Variants in RBM4B observed in about 807,000 individuals in gnomAD.
RBM4B encodes the protein RNA-binding protein 4B.
In RBM4B, 13 loss-of-function variants were observed where a neutral mutation model predicts 28.5. The observed-to-expected ratio is 0.46, with a 90% CI of 0.30 to 0.72. The LOEUF is 0.72. RBM4B is among the 30% of genes least tolerant of loss of function. RBM4B has a pLI of 0.09. For synonymous variants in RBM4B, 167 were observed against 179.1 expected, an observed-to-expected ratio of 0.93 and a Z score of 0.54; for missense variants, 387 against 477.6, an observed-to-expected ratio of 0.81 and a Z score of 1.77.
intron 2 of RBM4B, among the ~76,000 whole-genome samples, chr11:66,670,388 T>TGGG (rs1328733701): frequency 6.6e-6 from 1 of 152,044 alleles, no homozygotes; most frequent in East Asian, 1.9e-4. Context: ...TTACAATTTT[T>TGGG]ATAGGGATTA....
chr11:66,675,727 G>C, intron 2 of RBM4B: 1 of 152,196 alleles, frequency 6.6e-6, no homozygotes, highest in South Asian at 2.1e-4. Context: ...CTATCCAAAA[G>C]AATGTTCTAT....
Position 66,669,000 on chromosome 11 carries a change from G to A in RBM4B, c.704C>T (p.Ala235Val), listed in dbSNP as rs746480100. The change falls in exon 3 of 4, where the codon GCG (alanine) becomes GTG (valine). Residue 235 changes from alanine (A) to valine (V), a missense_variant. Around this residue, in one of 2 missense-constraint regions of RBM4B, gnomAD observed 226 missense variants for 220.6 expected, o/e 1.02. Transcript: ENST00000310046. ...GTAGTTGTATGCAGAAGCCGCTGCCGCCGCTGCTACTGCCTCATAAGAGCG... is the reference window on the plus strand; with the variant it reads ...GTAGTTGTATGCAGAAGCCGCTGCCACCGCTGCTACTGCCTCATAAGAGCG... ...RVRSYEAVAA[A>V]AAASAYNYAE... 8.1e-6 allele frequency: 13 copies of A among 1,614,070 alleles called. No homozygotes were observed. The highest frequency in any genetic ancestry group is 4.0e-5 in the African/African-American group (3 of 74,924).
intron 1 of RBM4B, chr11:66,677,446 G>A (rs1939676121): frequency 6.6e-6 from 2 of 303,872 alleles, no homozygotes; most frequent in Admixed American, 4.8e-5. Context: ...AGGTTTTGGA[G>A]GGAAATCTGT....
chr11:66,671,474 G>A (rs978367159), intron 2 of RBM4B, among the ~76,000 whole-genome samples: 2 of 152,158 alleles, frequency 1.3e-5, no homozygotes. Context: ...TGAAGTCAGA[G>A]TGACCATGAC....
intron 1 of RBM4B, chr11:66,677,332 G>C (rs1356279174): frequency 1.8e-6 from 1 of 559,526 alleles, no homozygotes; most frequent in Admixed American, 3.2e-5. Flanking sequence ...CCGTGAAGTG[G>C]AGCGCAATGA....
Position 66,669,339 on chromosome 11 carries a change from C to A in RBM4B, c.413-48G>T, listed in dbSNP as rs116912258. The A allele has an allele frequency of 1.9e-3, 2,943 of 1,548,998 alleles. 63 individuals carry two copies. In the East Asian group the frequency reaches 0.042, roughly 22 times the overall value. ...GATTTATTTTAACTCACTTGACATT[C>A]TTTTTCCTCTCCTCCCCAAATGAAA... On this transcript the variant is annotated intron_variant, in intron 2 of 3. Coordinates refer to ENST00000310046, the MANE Select transcript of RBM4B (RefSeq NM_031492.4).
Position 66,669,094 on chromosome 11 carries a change from C to T in RBM4B, c.610G>A (p.Gly204Ser), listed in dbSNP as rs142178494. ...YGAVRTPYTM[G>S]YGESMYYNDA... ...TTGTAATACATGGATTCCCCGTAGC[C>T]CATGGTGTAAGGTGTTCGAACTGCT... Residue 204 changes from glycine to serine, a missense_variant, in exon 3 of 4, where the codon GGC (glycine) becomes AGC (serine). Physicochemically the swap from Gly to Ser is moderately conservative, Grantham distance 56. Coordinates refer to ENST00000310046, the MANE Select transcript of RBM4B (RefSeq NM_031492.4). The T allele has an allele frequency of 2.5e-5, 40 of 1,614,000 alleles. No individual in the cohort carries two copies. In the African/African-American group the frequency reaches 5.1e-4, roughly 20 times the overall value.
chr11:66,674,425 T>C (rs1397561385), intron 2 of RBM4B, among the ~76,000 whole-genome samples: 1 of 151,892 alleles, frequency 6.6e-6, no homozygotes, highest in African/African-American at 2.4e-5. Context: ...AGACGGGGTT[T>C]CACCATGTTG....
chr11:66,667,243 T>G (rs552095178), intron 3 of RBM4B: 1 of 152,364 alleles, frequency 6.6e-6, no homozygotes, highest in East Asian at 1.9e-4. Flanking sequence ...TGAAAAGATT[T>G]ATCTATCTTT....
intron 3 of RBM4B, chr11:66,666,023 G>C (rs954736434): frequency 4.1e-5 from 56 of 1,379,828 alleles, no homozygotes; most frequent in Middle Eastern, 3.6e-4. Context: ...ATCTTTCACA[G>C]TAAACAAGCT....
intron 2 of RBM4B, chr11:66,670,789 C>T: frequency 1.7e-6 from 1 of 600,910 alleles, no homozygotes; most frequent in Non-Finnish European, 3.0e-6. Flanking sequence ...GCCTGGGCAA[C>T]AGTGTGAGAC....
intron 2 of RBM4B, among the ~76,000 whole-genome samples, chr11:66,672,093 GT>G (rs1023575453): frequency 1.2e-4 from 19 of 152,032 alleles, no homozygotes; most frequent in Admixed American, 1.2e-3. Context: ...GGGGTGACGA[GT>G]TTAAAAAAAT....
intron 3 of RBM4B, chr11:66,667,432 CACAA>C (rs1436908721): frequency 2.0e-5 from 3 of 152,100 alleles, no homozygotes; most frequent in African/African-American, 7.2e-5. Context: ...CAACAAAAAA[CACAA>C]ACAAAAATTG....
At chr11:66,676,412 G>C (rs893608259) in intron 2 of RBM4B, 36 of 575,850 alleles carry the variant, frequency 6.3e-5, no homozygotes, top group Non-Finnish European at 9.8e-5. Flanking sequence ...TCGAATCAAT[G>C]CAAGAATCCC....
intron 2 of RBM4B, among the ~76,000 whole-genome samples, chr11:66,673,695 G>A (rs1001116273): frequency 1.3e-5 from 2 of 152,156 alleles, no homozygotes; most frequent in African/African-American, 4.8e-5. Context: ...CTGACCTTAG[G>A]TGATCCACCC....
intron 2 of RBM4B, 137 bp downstream of exon 2, chr11:66,676,531 G>A: frequency 9.5e-7 from 1 of 1,054,886 alleles, no homozygotes; most frequent in Admixed American, 2.8e-5. Flanking sequence ...TTATGCTTAA[G>A]AGCGGTAAAC....
chr11:66,668,638 ACCGGG>A lies in RBM4B; in HGVS notation c.1061_1065del (p.Ala354ValfsTer15). 1 of 1,603,016 alleles carries A rather than the reference ACCGGG, an allele frequency of 6.2e-7. No individual in the cohort carries two copies. The highest frequency in any genetic ancestry group is 1.1e-5 in the South Asian group (1 of 90,846). On this transcript the variant is annotated frameshift_variant, in exon 3 of 4. Coordinates refer to ENST00000310046, the MANE Select transcript of RBM4B (RefSeq NM_031492.4). LOFTEE classifies it high-confidence loss of function. ...ACCTCCAGTTTTTAAAAGGCTGAGT[ACCGGG>A]CTCGGTCCACATACTGCTCCCGTTC...
At chr11:66,666,473 C>A in intron 3 of RBM4B, 4 of 986,284 alleles carry the variant, frequency 4.1e-6, no homozygotes, top group Non-Finnish European at 4.8e-6. Context: ...CAGGGTTATT[C>A]AGTCCATTTG....
At chr11:66,677,301 G>A (rs1939671527) in intron 1 of RBM4B, 3 of 608,428 alleles carry the variant, frequency 4.9e-6, no homozygotes, top group Admixed American at 3.0e-5. Context: ...GGGTCAGCAT[G>A]CATAGCCCAG....
Sources: gnomAD v4.1 joint callset for allele counts (sites outside exome capture counted in the v4.1 genomes callset) on GRCh38, gnomAD v4.1.1 for gene constraint, gnomAD v4.1.1 regional missense constraint, MANE v1.5 for transcripts, NCBI Gene and HGNC (gene_info 2026-07-23, HGNC 2026-07-21) for gene names.